The following FCHSD2 variants were observed in gnomAD, a reference collection of about 807,000 sequenced individuals.
The protein encoded by FCHSD2 is F-BAR and double SH3 domains protein 2.
In FCHSD2, 38 loss-of-function variants were observed where a neutral mutation model predicts 108.1. The ratio of observed to expected loss-of-function variants is 0.35; its 90% CI spans 0.27 to 0.46. The LOEUF is 0.46. Ranked by LOEUF, FCHSD2 falls within the 20% of genes least tolerant of loss-of-function variation. The probability of loss-of-function intolerance (pLI) is 1.00; values close to 1 mark genes in which losing one functional copy is unlikely to be tolerated. For missense variants in FCHSD2, 751 were observed against 897.8 expected, an observed-to-expected ratio of 0.84 and a Z score of 2.09; for synonymous variants, 279 against 314.7, an observed-to-expected ratio of 0.89 and a Z score of 1.20.
At chr11:72,840,727 T>C in intron 19 of FCHSD2, 150 bp downstream of exon 19, 1 of 578,300 alleles carries the variant, frequency 1.7e-6, no homozygotes. Context: ...ATGGCCTTCC[T>C]TTTCAATAGC....
At chr11:72,886,630 C>T (rs1180806425) in intron 12 of FCHSD2, among the ~76,000 whole-genome samples, 1 of 152,186 alleles carries the variant, frequency 6.6e-6, no homozygotes, top group South Asian at 2.1e-4. Context: ...CACCACATTG[C>T]TGCTGAGTAG....
intron 12 of FCHSD2, among the ~76,000 whole-genome samples, chr11:72,878,376 C>T (rs937253322): frequency 2.0e-5 from 3 of 152,150 alleles, no homozygotes; most frequent in Non-Finnish European, 2.9e-5. Context: ...ATCCCTAGCT[C>T]TAACAACAAA....
intron 2 of FCHSD2, among the ~76,000 whole-genome samples, chr11:73,128,779 T>C (rs541180653): frequency 7.0e-4 from 106 of 152,356 alleles, no homozygotes; most frequent in Non-Finnish European, 1.1e-3. Flanking sequence ...AAAGATTCTG[T>C]AGCATCACTG....
At chr11:73,111,719 G>A (rs1433524792) in intron 2 of FCHSD2, among the ~76,000 whole-genome samples, 1 of 150,538 alleles carries the variant, frequency 6.6e-6, no homozygotes, top group African/African-American at 2.4e-5. Flanking sequence ...TCTCTGGTGG[G>A]GTGTTTTAAT....
At chr11:72,852,638 T>C (rs1191676451) in intron 13 of FCHSD2, among the ~76,000 whole-genome samples, 1 of 151,684 alleles carries the variant, frequency 6.6e-6, no homozygotes, top group African/African-American at 2.4e-5. Flanking sequence ...CATTGCAGCC[T>C]GGGCAACAGA....
intron 6 of FCHSD2, 68 bp downstream of exon 6, chr11:72,988,896 G>A: frequency 7.3e-7 from 1 of 1,373,756 alleles, no homozygotes; most frequent in Non-Finnish European, 1.0e-6. Flanking sequence ...TACTAATAGA[G>A]AACAAACTAT....
At chr11:72,983,944 C>A in intron 8 of FCHSD2, 144 bp downstream of exon 8, 1 of 729,690 alleles carries the variant, frequency 1.4e-6, no homozygotes, top group East Asian at 2.7e-5. Flanking sequence ...AGATGCTATC[C>A]AAACAATAAC....
intron 2 of FCHSD2, among the ~76,000 whole-genome samples, chr11:73,133,343 T>C (rs978696580): frequency 6.6e-6 from 1 of 152,152 alleles, no homozygotes; most frequent in Admixed American, 6.5e-5. Flanking sequence ...TTATTAATAA[T>C]AGTAAAAAGT....
intron 8 of FCHSD2, among the ~76,000 whole-genome samples, chr11:72,922,482 T>C (rs1207267097): frequency 6.6e-6 from 1 of 152,118 alleles, no homozygotes; most frequent in Non-Finnish European, 1.5e-5. Context: ...GTAATATCTA[T>C]GAAGGGTTGG....
At position 72,939,922 on chromosome 11, in the gene FCHSD2, C is replaced by A. The variant is rs140213795; in HGVS notation, c.706-17972G>T. 3.1e-3 allele frequency among the ~76,000 whole-genome samples: 467 copies of A among 152,128 alleles called. 5 individuals carry two copies. The highest frequency in any genetic ancestry group is 0.011 in the African/African-American group (438 of 41,524). Reference sequence around the variant, plus strand: ...CATGAGCCACCATGCCTGGCCTTGACGGCTCTTTGTATAACCGAGTAGTAA... The same window carrying A: ...CATGAGCCACCATGCCTGGCCTTGAAGGCTCTTTGTATAACCGAGTAGTAA... On this transcript the variant is annotated intron_variant, in intron 8 of 19. Transcript: ENST00000409418.
chr11:72,901,849 T>G (rs548297236), intron 10 of FCHSD2, among the ~76,000 whole-genome samples: 1 of 152,096 alleles, frequency 6.6e-6, no homozygotes, highest in Non-Finnish European at 1.5e-5. Context: ...TTATTCCATT[T>G]ATTAATTCTA....
chr11:73,133,016 T>C (rs1293585313), intron 2 of FCHSD2, among the ~76,000 whole-genome samples: 1 of 152,122 alleles, frequency 6.6e-6, no homozygotes, highest in Non-Finnish European at 1.5e-5. Context: ...CATGAAAAAA[T>C]GCTCACCATC....
chr11:73,090,794 A>T (rs1172984417), intron 2 of FCHSD2, among the ~76,000 whole-genome samples: 1 of 152,204 alleles, frequency 6.6e-6, no homozygotes, highest in South Asian at 2.1e-4. Context: ...TATACAATCA[A>T]CTGTTTTAAA....
rs183351214 is a variant in FCHSD2 at position 72,876,443 on chromosome 11, T to C, written c.1147-8417A>G. Among the ~76,000 whole-genome samples, 10 of 152,376 alleles carry C rather than the reference T, an allele frequency of 6.6e-5. No individual in the cohort carries two copies. In the East Asian group the frequency reaches 1.9e-3, roughly 29 times the overall value. On this transcript the variant is annotated intron_variant, in intron 12 of 19. Transcript: ENST00000409418. ...GTTTTCAAAGGCAGCAACAGATTAC[T>C]GTGTTTGAACAACATAATCTCCAAT...
At chr11:73,141,787 A>G in intron 1 of FCHSD2, 70 bp downstream of exon 1, 1 of 1,464,312 alleles carries the variant, frequency 6.8e-7, no homozygotes, top group Non-Finnish European at 9.2e-7. Context: ...GAAGGGGCGC[A>G]GCGGTCGCCC....
chr11:73,131,735 A>C (rs1255795035), intron 2 of FCHSD2, among the ~76,000 whole-genome samples: 2 of 152,052 alleles, frequency 1.3e-5, no homozygotes, highest in Admixed American at 1.3e-4. Context: ...AATTTAAAAA[A>C]TAAGAACACC....
intron 12 of FCHSD2, among the ~76,000 whole-genome samples, chr11:72,884,667 C>T (rs1591369086): frequency 6.6e-6 from 1 of 151,494 alleles, no homozygotes; most frequent in African/African-American, 2.4e-5. Context: ...GTACAGTGGT[C>T]CAACCATGGC....
intron 3 of FCHSD2, among the ~76,000 whole-genome samples, chr11:73,078,473 A>C (rs1254042839): frequency 1.3e-5 from 2 of 152,240 alleles, no homozygotes; most frequent in Non-Finnish European, 2.9e-5. Context: ...TGATATATTC[A>C]TTCAGTGGAC....
At chr11:73,113,353 CTTTTTTTTTTTT>C (rs35979371) in intron 2 of FCHSD2, among the ~76,000 whole-genome samples, 27 of 29,916 alleles carry the variant, frequency 9.0e-4, no homozygotes, top group African/African-American at 2.5e-3. Flanking sequence ...CCAAGATGGT[CTTTTTTTTTTTT>C]TTTTTTTTTT....
Sources: gnomAD v4.1 joint callset for allele counts (sites outside exome capture counted in the v4.1 genomes callset) on GRCh38, gnomAD v4.1.1 for gene constraint, MANE v1.5 for transcripts, NCBI Gene and HGNC (gene_info 2026-07-23, HGNC 2026-07-21) for gene names.